RNF157: variants seen among roughly 807,000 people sequenced by gnomAD.
The protein encoded by RNF157 is E3 ubiquitin ligase RNF157.
A neutral mutation model predicts 88.3 loss-of-function variants in RNF157; 55 were observed. The ratio of observed to expected loss-of-function variants is 0.62; its 90% CI spans 0.50 to 0.78. RNF157 has a LOEUF of 0.78. Among genes scored for constraint, RNF157 ranks in the 30% least tolerant of loss-of-function variants. The pLI is 0.00. For missense variants in RNF157, 788 were observed against 860.8 expected (o/e 0.92, Z 1.06); for synonymous variants, 334 against 341.2 (o/e 0.98, Z 0.23).
At chr17:76,189,759 C>T (rs1255026244) in intron 2 of RNF157, among the ~76,000 whole-genome samples, 1 of 152,168 alleles carries the variant, frequency 6.6e-6, no homozygotes, top group Non-Finnish European at 1.5e-5. Flanking sequence ...AAGGGACCCT[C>T]CGAAGCTGGG....
chr17:76,179,900 T>C (rs1598408434), intron 2 of RNF157, among the ~76,000 whole-genome samples: 2 of 152,188 alleles, frequency 1.3e-5, no homozygotes, highest in East Asian at 1.9e-4. Context: ...TCAGTTCATA[T>C]CCACAGAGTT....
chr17:76,147,684 C>T (rs2068605792), intron 18 of RNF157: 1 of 152,256 alleles, frequency 6.6e-6, no homozygotes, highest in Non-Finnish European at 1.5e-5. Flanking sequence ...CGGCAAAGCC[C>T]TGCTGCTGCT....
At chr17:76,156,554 G>A (rs1230365025) in intron 13 of RNF157, 1 of 983,896 alleles carries the variant, frequency 1.0e-6, no homozygotes, top group Non-Finnish European at 1.2e-6. Flanking sequence ...CCTGCCCAGG[G>A]CACAGCATCT....
chr17:76,153,676 T>C, intron 17 of RNF157: 1 of 152,626 alleles, frequency 6.6e-6, no homozygotes, highest in East Asian at 1.9e-4. Context: ...CAACTGAAGA[T>C]GTAACTGAGG....
Position 76,156,193 on chromosome 17 carries a change from C to G in RNF157, c.1525+17G>C, listed in dbSNP as rs748478522. 1 of 1,596,418 alleles carries G rather than the reference C, an allele frequency of 6.3e-7. No individual in the cohort carries two copies. The highest frequency in any genetic ancestry group is 8.6e-7 in the Non-Finnish European group (1 of 1,164,080). Reference sequence around the variant, plus strand: ...TAAGGGGGAAGGACATGCAGCCACTCCCCGCTCCTTATGTACCTTCTGGGG... The same window carrying G: ...TAAGGGGGAAGGACATGCAGCCACTGCCCGCTCCTTATGTACCTTCTGGGG... On this transcript the variant is annotated intron_variant, in intron 14 of 18. Coordinates refer to ENST00000269391, the MANE Select transcript of RNF157 (RefSeq NM_052916.3).
intron 5 of RNF157, 77 bp from the exon 6 acceptor site, chr17:76,166,604 C>T (rs573489539): frequency 2.1e-5 from 25 of 1,179,590 alleles, no homozygotes; most frequent in African/African-American, 1.7e-4. Flanking sequence ...TCAGAAAGGG[C>T]GATACTGTCA....
intron 2 of RNF157, chr17:76,202,811 A>AGGGTGG (rs1348612511): frequency 6.5e-6 from 1 of 153,156 alleles, no homozygotes; most frequent in Non-Finnish European, 1.5e-5. Flanking sequence ...CCATGGTTCT[A>AGGGTGG]GGGTAGAAAG....
intron 2 of RNF157, among the ~76,000 whole-genome samples, chr17:76,177,446 C>T (rs1001042245): frequency 2.6e-5 from 4 of 151,808 alleles, no homozygotes; most frequent in East Asian, 1.9e-4. Flanking sequence ...TGCACATGCT[C>T]GGGGTAGCGC....
At chr17:76,175,979 C>T (rs1002713419) in intron 2 of RNF157, among the ~76,000 whole-genome samples, 1 of 152,180 alleles carries the variant, frequency 6.6e-6, no homozygotes. Context: ...CACCCCTATA[C>T]TTTAGGCTCT....
At chr17:76,168,428 A>ATT (rs55760274) in intron 3 of RNF157, among the ~76,000 whole-genome samples, 15,003 of 141,784 alleles carry the variant, frequency 0.11, 1,420 homozygotes, top group African/African-American at 0.25. Context: ...TGCTCATCCT[A>ATT]TTTTTTTTTT....
At chr17:76,164,675 G>C in intron 8 of RNF157, 73 bp downstream of exon 8, 1 of 843,282 alleles carries the variant, frequency 1.2e-6, no homozygotes, top group East Asian at 2.7e-5. Flanking sequence ...AAGAGGGAGA[G>C]AGAAGAAGAA....
At chr17:76,228,309 C>G (rs1219863534) in intron 1 of RNF157, among the ~76,000 whole-genome samples, 1 of 152,126 alleles carries the variant, frequency 6.6e-6, no homozygotes, top group African/African-American at 2.4e-5. Flanking sequence ...AACCCTGTAC[C>G]CTTCTTCCTT....
At chr17:76,180,808 A>G (rs1444164987) in intron 2 of RNF157, among the ~76,000 whole-genome samples, 2 of 152,196 alleles carry the variant, frequency 1.3e-5, no homozygotes, top group Non-Finnish European at 2.9e-5. Context: ...AGCGGCATTA[A>G]GTAACATTCA....
intron 1 of RNF157, among the ~76,000 whole-genome samples, chr17:76,228,582 A>C (rs530138761): frequency 1.3e-5 from 2 of 152,202 alleles, no homozygotes; most frequent in Admixed American, 1.3e-4. Flanking sequence ...GGTCTCCCCA[A>C]CTCAAATAAC....
At chr17:76,192,859 T>G (rs1039395768) in intron 2 of RNF157, among the ~76,000 whole-genome samples, 2 of 144,638 alleles carry the variant, frequency 1.4e-5, no homozygotes, top group African/African-American at 5.4e-5. Flanking sequence ...TTTTTTTTTT[T>G]GAGACAGCAT....
At chr17:76,180,466 A>G (rs948784528) in intron 2 of RNF157, among the ~76,000 whole-genome samples, 13 of 152,248 alleles carry the variant, frequency 8.5e-5, no homozygotes, top group African/African-American at 3.1e-4. Context: ...ACAGCTTGGC[A>G]AATCATGAAA....
rs1396401380 is a variant in RNF157 at position 76,158,666 on chromosome 17, GC to G, written c.1305-166del. 84 of 601,008 alleles carry G rather than the reference GC, an allele frequency of 1.4e-4. No homozygotes were observed. The Admixed American group carries it at 1.4e-3, about 10-fold the overall frequency. 37.2% of individuals were successfully genotyped at this position (601,008 alleles called of 1,614,324 possible). On this transcript the variant is annotated intron_variant, in intron 12 of 18. Coordinates refer to ENST00000269391, the MANE Select transcript of RNF157 (RefSeq NM_052916.3). ...GCTGGGCTGGGACTCCTGGGCTTCA[GC>G]GATCCTCTTGTTGACGCTTTAACAG...
At chr17:76,184,834 C>T (rs1434334706) in intron 2 of RNF157, among the ~76,000 whole-genome samples, 2 of 152,246 alleles carry the variant, frequency 1.3e-5, no homozygotes, top group African/African-American at 4.8e-5. Context: ...CAAGAAAGCA[C>T]TCCATTTATA....
intron 2 of RNF157, among the ~76,000 whole-genome samples, chr17:76,210,601 A>G (rs201554229): frequency 1.3e-5 from 2 of 148,418 alleles, no homozygotes; most frequent in African/African-American, 4.9e-5. Flanking sequence ...AAAAAAAAAA[A>G]AAAGAAAGAA....
Sources: allele counts gnomAD v4.1 joint callset (sites outside exome capture counted in the v4.1 genomes callset), GRCh38; gene constraint gnomAD v4.1.1; transcripts MANE v1.5; gene names NCBI Gene and HGNC (gene_info 2026-07-23, HGNC 2026-07-21).